DNAH11: variants seen among roughly 807,000 people sequenced by gnomAD.
DNAH11 encodes the protein axonemal beta dynein heavy chain 11.
In DNAH11, 442 loss-of-function variants were observed where a neutral mutation model predicts 526.0. That is an observed-to-expected ratio of 0.84 (90% CI 0.78 to 0.91). The LOEUF is 0.91. DNAH11 is among the 40% of genes least tolerant of loss of function. DNAH11 has a pLI of 0.00. For synonymous variants in DNAH11, 2,461 were observed against 1,935.9 expected, an observed-to-expected ratio of 1.27 and a Z score of -7.12; for missense variants, 6,989 against 5,448.7, an observed-to-expected ratio of 1.28 and a Z score of -8.90.
chr7:21,748,734 G>A lies in DNAH11; in HGVS notation c.8665G>A (p.Glu2889Lys), dbSNP rs267601455. 9 of 1,613,240 alleles carry A rather than the reference G, an allele frequency of 5.6e-6. No homozygotes were observed. The highest frequency in any genetic ancestry group is 1.3e-5 in the African/African-American group (1 of 74,998). The change falls in exon 52 of 82, where the codon GAA (glutamate) becomes AAA (lysine). Residue 2889 changes from glutamate to lysine, a missense_variant. Physicochemically the swap from Glu to Lys is moderately conservative, Grantham distance 56. Coordinates refer to ENST00000409508, the MANE Select transcript of DNAH11 (RefSeq NM_001277115.2). ...TCTGACCGAGGGCTATGGAATCCAG[G>A]AACTTCGGGTGAGTCAAGGGGACAG... ...ITLTEGYGIQ[E>K]LRVDLANLYI... is the part of the protein sequence containing the mutation.
At chr7:21,546,590 T>C (rs1478138598) in intron 2 of DNAH11, among the ~76,000 whole-genome samples, 1 of 152,202 alleles carries the variant, frequency 6.6e-6, no homozygotes, top group Non-Finnish European at 1.5e-5. Flanking sequence ...CTGCTTAATA[T>C]TCTGAAAAAG....
At chr7:21,566,686 A>G (rs1174645440) in intron 6 of DNAH11, among the ~76,000 whole-genome samples, 3 of 152,024 alleles carry the variant, frequency 2.0e-5, no homozygotes, top group Non-Finnish European at 4.4e-5. Context: ...CACCCGTTAT[A>G]CCATGCTCCA....
intron 63 of DNAH11, 119 bp from the exon 64 acceptor site, chr7:21,816,348 A>G: frequency 2.6e-6 from 2 of 774,206 alleles, no homozygotes; most frequent in Non-Finnish European, 4.2e-6. Context: ...GAGAATCCAC[A>G]GAAAATTATC....
Position 21,901,406 on chromosome 7 carries a change from A to AGTAACACTGGCATTCCTCT in DNAH11, c.*152_*153insGTAACACTGGCATTCCTCT. The AGTAACACTGGCATTCCTCT allele has an allele frequency of 8.9e-7, 1 of 1,121,170 alleles. No individual in the cohort carries two copies. The highest frequency in any genetic ancestry group is 1.2e-6 in the Non-Finnish European group (1 of 854,744). 69.5% of individuals were successfully genotyped at this position (1,121,170 alleles called of 1,614,324 possible). A position where few individuals can be genotyped will look rare whatever the true frequency, so the allele number is the denominator to read the frequency against. On this transcript the variant is annotated 3_prime_UTR_variant, in exon 82 of 82. Transcript: ENST00000409508. ...CTATCCTTAGAGTGAAAGTCAGAAA[A>AGTAACACTGGCATTCCTCT]AAATACTAGAAACTAACTCAGGGCT...
rs886062180 is a variant in DNAH11, at chr7:21,711,774, G to C, written c.6897G>C (p.Glu2299Asp). ...ALTPFMRLLF[E>D]IHHLRSATPA... ...CTCCCTTCATGAGGCTTCTGTTTGA[G>C]ATACATCACTTAAGGAGCGCAACCC... The change falls in exon 42 of 82, where the codon GAG becomes GAC. Residue 2299 changes from glutamate to aspartate, a missense_variant. By Grantham distance (45) the Glu-to-Asp change is conservative. Coordinates refer to ENST00000409508, the MANE Select transcript of DNAH11 (RefSeq NM_001277115.2). 1.2e-6 allele frequency: 2 copies of C among 1,613,890 alleles called. No homozygotes were observed. The highest frequency in any genetic ancestry group is 1.7e-6 in the Non-Finnish European group (2 of 1,179,818).
At chr7:21,786,328 G>GTGTGTA (rs1338625363) in intron 58 of DNAH11, among the ~76,000 whole-genome samples, 1 of 151,734 alleles carries the variant, frequency 6.6e-6, no homozygotes, top group African/African-American at 2.4e-5. Context: ...GTGTGTGTGT[G>GTGTGTA]TATCCTGGCC....
Position 21,559,698 on chromosome 7 carries a change from T to C in DNAH11, c.788T>C (p.Val263Ala). 1 of 1,611,102 alleles carries C rather than the reference T, an allele frequency of 6.2e-7. No homozygotes were observed. Among genetic ancestry groups the C allele is most frequent in the East Asian group, 2.2e-5 (1 of 44,776 alleles). ...QIQEIIERDSVQRLLNGLHLS... is the reference protein window; with the variant it reads ...QIQEIIERDSAQRLLNGLHLS... ...CAAGAAATTATAGAAAGAGATTCAG[T>C]GCAGCGTTTGTTGAATGGTCTTCAC... Residue 263 changes from valine to alanine, a missense_variant, in exon 4 of 82, where the codon GTG becomes GCG. Transcript: ENST00000409508.
chr7:21,719,735 T>C (rs949657376), intron 43 of DNAH11, among the ~76,000 whole-genome samples: 1 of 152,214 alleles, frequency 6.6e-6, no homozygotes. Context: ...TATTTCCCCA[T>C]CTTCTGTGGC....
At chr7:21,793,443 C>A (rs1283979928) in intron 61 of DNAH11, among the ~76,000 whole-genome samples, 1 of 152,018 alleles carries the variant, frequency 6.6e-6, no homozygotes, top group African/African-American at 2.4e-5. Context: ...TGGTGAAACC[C>A]CGTCTGTACT....
At chr7:21,764,118 G>A (rs990473901) in intron 54 of DNAH11, among the ~76,000 whole-genome samples, 2 of 152,130 alleles carry the variant, frequency 1.3e-5, no homozygotes, top group Non-Finnish European at 2.9e-5. Context: ...CTGCTGCACA[G>A]CGCTGGACTT....
intron 68 of DNAH11, among the ~76,000 whole-genome samples, chr7:21,859,275 G>A (rs145337204): frequency 0.04 from 6,080 of 152,124 alleles, 156 homozygotes; most frequent in South Asian, 0.13. Context: ...CACCATGCCT[G>A]GCTAAATTTT....
intron 34 of DNAH11, among the ~76,000 whole-genome samples, chr7:21,689,870 G>T (rs1245047624): frequency 6.6e-6 from 1 of 152,134 alleles, no homozygotes; most frequent in Non-Finnish European, 1.5e-5. Flanking sequence ...ACCCTCATTT[G>T]AAAGTTTCCC....
chr7:21,618,290 G>A (rs971723864), intron 23 of DNAH11: 2 of 152,568 alleles, frequency 1.3e-5, no homozygotes, highest in African/African-American at 4.8e-5. Context: ...CAGGGCATTT[G>A]GTCCTCTTAT....
intron 9 of DNAH11, among the ~76,000 whole-genome samples, chr7:21,586,273 A>G (rs982636305): frequency 1.3e-5 from 2 of 152,200 alleles, no homozygotes; most frequent in African/African-American, 4.8e-5. Flanking sequence ...TGTGAAATAA[A>G]TACACTTATC....
At chr7:21,821,307 G>A (rs1562566075) in intron 65 of DNAH11, among the ~76,000 whole-genome samples, 1 of 152,164 alleles carries the variant, frequency 6.6e-6, no homozygotes, top group Non-Finnish European at 1.5e-5. Flanking sequence ...ATCTGAGTAT[G>A]GAGCTTAGTA....
chr7:21,547,575 A>T (rs1782851844), intron 2 of DNAH11, among the ~76,000 whole-genome samples: 1 of 152,084 alleles, frequency 6.6e-6, no homozygotes. Context: ...ATAATGTTAT[A>T]CCCTGGCCCC....
intron 2 of DNAH11, 118 bp downstream of exon 2, chr7:21,545,267 G>A (rs1454326521): frequency 3.2e-6 from 1 of 316,420 alleles, no homozygotes; most frequent in African/African-American, 5.6e-5. Context: ...AAGGGGATGG[G>A]GGTGGTTAAA....
At chr7:21,786,915 A>G in intron 59 of DNAH11, 148 bp downstream of exon 59, 1 of 1,239,746 alleles carries the variant, frequency 8.1e-7, no homozygotes, top group Non-Finnish European at 1.1e-6. Context: ...TGTTCTCTAG[A>G]CTTACAGCTT....
chr7:21,794,027 T>C (rs142277155), intron 61 of DNAH11, among the ~76,000 whole-genome samples: 1 of 152,372 alleles, frequency 6.6e-6, no homozygotes, highest in African/African-American at 2.4e-5. Flanking sequence ...TTCTTCTGCT[T>C]TACTCATTCT....
Sources: gnomAD v4.1 joint callset for allele counts (sites outside exome capture counted in the v4.1 genomes callset) on GRCh38, gnomAD v4.1.1 for gene constraint, MANE v1.5 for transcripts, NCBI Gene and HGNC (gene_info 2026-07-23, HGNC 2026-07-21) for gene names.